The following KDM4B variants were observed in gnomAD, a reference collection of about 807,000 sequenced individuals.
KDM4B encodes lysine-specific demethylase 4B.
KDM4B carries 32 observed loss-of-function variants against 125.2 expected under a neutral mutation model. That is an observed-to-expected ratio of 0.26 (90% CI 0.19 to 0.34). KDM4B has a LOEUF of 0.34. Ranked by LOEUF, KDM4B falls within the 10% of genes least tolerant of loss-of-function variation. The probability of loss-of-function intolerance (pLI) is 1.00; values close to 1 mark genes in which losing one functional copy is unlikely to be tolerated. For missense variants in KDM4B, 1,190 were observed against 1,577.7 expected (o/e 0.75, Z 4.16); for synonymous variants, 721 against 677.9 (o/e 1.06, Z -0.99).
chr19:4,984,873 C>T (rs955455270), intron 1 of KDM4B, among the ~76,000 whole-genome samples: 21 of 152,238 alleles, frequency 1.4e-4, no homozygotes, highest in African/African-American at 4.3e-4. Flanking sequence ...GCACCTGCTC[C>T]GTGAAACCCG....
intron 10 of KDM4B, 125 bp from the exon 11 acceptor site, chr19:5,119,528 G>T: frequency 2.1e-6 from 2 of 945,782 alleles, no homozygotes; most frequent in Non-Finnish European, 1.7e-6. Flanking sequence ...CAGCCAGGAG[G>T]CCCCCTGCTC....
chr19:5,057,594 A>C (rs368609432), intron 6 of KDM4B, among the ~76,000 whole-genome samples: 16 of 152,330 alleles, frequency 1.1e-4, no homozygotes, highest in African/African-American at 3.4e-4. Flanking sequence ...TTCCTCATGC[A>C]GCAGCTTTGC....
At chr19:4,996,130 C>T (rs1488428163) in intron 1 of KDM4B, among the ~76,000 whole-genome samples, 1 of 152,158 alleles carries the variant, frequency 6.6e-6, no homozygotes, top group African/African-American at 2.4e-5. Context: ...GCTGGGATTA[C>T]AGGCATGTGC....
chr19:5,044,360 G>A (rs1262074794), intron 5 of KDM4B, among the ~76,000 whole-genome samples: 1 of 102,044 alleles, frequency 9.8e-6, no homozygotes, highest in Non-Finnish European at 2.0e-5. Context: ...TATCGGAGTG[G>A]GGTGTCCACC....
At chr19:5,097,973 GGAGCTGTCAA>G (rs530702298) in intron 9 of KDM4B, among the ~76,000 whole-genome samples, 118 of 152,328 alleles carry the variant, frequency 7.7e-4, no homozygotes, top group African/African-American at 2.8e-3. Flanking sequence ...ATGTCAGTCG[GGAGCTGTCAA>G]GCTCTGTGGA....
chr19:5,038,315 C>T (rs1230951629), intron 3 of KDM4B, among the ~76,000 whole-genome samples: 3 of 152,196 alleles, frequency 2.0e-5, no homozygotes, highest in Middle Eastern at 3.2e-3. Flanking sequence ...CTGGTCTTGT[C>T]GGCCCATAGG....
Position 5,022,614 on chromosome 19 carries a change from G to A in KDM4B, c.-26+6275G>A, listed in dbSNP as rs184113363. Reference sequence around the variant, plus strand: ...CACTTAGGCCACTGGCCACCCCCACGGATGGTCCCGGGAGTTAGCTCTGTG... The same window carrying A: ...CACTTAGGCCACTGGCCACCCCCACAGATGGTCCCGGGAGTTAGCTCTGTG... On this transcript the variant is annotated intron_variant, in intron 2 of 22. Coordinates refer to ENST00000159111, the MANE Select transcript of KDM4B (RefSeq NM_015015.3). 7.2e-5 allele frequency among the ~76,000 whole-genome samples: 11 copies of A among 152,272 alleles called. No individual in the cohort carries two copies. In the East Asian group the frequency reaches 7.7e-4, roughly 11 times the overall value.
intron 9 of KDM4B, among the ~76,000 whole-genome samples, chr19:5,087,301 C>T (rs551791245): frequency 5.3e-5 from 8 of 152,372 alleles, no homozygotes; most frequent in South Asian, 2.1e-4. Context: ...CATTGCCCCT[C>T]GGGGCAGGAG....
intron 2 of KDM4B, among the ~76,000 whole-genome samples, chr19:5,026,717 G>A (rs1423624533): frequency 6.6e-6 from 1 of 152,148 alleles, no homozygotes; most frequent in East Asian, 1.9e-4. Flanking sequence ...GCACAGAGTG[G>A]GCACAAGGCA....
intron 9 of KDM4B, among the ~76,000 whole-genome samples, chr19:5,084,255 T>A (rs1021339367): frequency 6.8e-6 from 1 of 147,632 alleles, no homozygotes; most frequent in Admixed American, 6.9e-5. Context: ...CAAAAAAAAA[T>A]ACGTATTTAT....
At position 5,143,666 on chromosome 19, in the gene KDM4B, G is replaced by A. The variant is rs537756082; in HGVS notation, c.2551-301G>A. 1.2e-4 allele frequency among the ~76,000 whole-genome samples: 18 copies of A among 152,254 alleles called. No homozygotes were observed. In the South Asian group the frequency reaches 2.1e-3, roughly 18 times the overall value. ...TGTCTGTCCCAGCAGTCAGTGACAC[G>A]CAGGGGGACGGGAGAGGACTCCCCG... On this transcript the variant is annotated intron_variant, in intron 18 of 22. Transcript: ENST00000159111.
At chr19:5,143,836 C>A (rs1343525727) in intron 18 of KDM4B, 131 bp from the exon 19 acceptor site, 4 of 730,236 alleles carry the variant, frequency 5.5e-6, no homozygotes, top group Non-Finnish European at 8.9e-6. Flanking sequence ...GGGGAACCCT[C>A]ACTGGGCAGA....
At chr19:5,026,129 C>T (rs2036270559) in intron 2 of KDM4B, among the ~76,000 whole-genome samples, 2 of 151,872 alleles carry the variant, frequency 1.3e-5, no homozygotes, top group Admixed American at 1.3e-4. Flanking sequence ...AACCCAGGGA[C>T]AGGGCGTGGT....
In KDM4B at chr19:5,041,228, A is replaced by G; in HGVS notation, c.409A>G (p.Ile137Val). The part of the protein sequence containing the change: ...TFVSPIYGAD[I>V]SGSLYDDDVA... ...TGTCTCCCCGATCTACGGGGCTGAC[A>G]TCAGCGGCTCTTTGTATGATGACGT... Residue 137 changes from isoleucine (I) to valine (V), a missense_variant, in exon 5 of 23, where the codon ATC (isoleucine) becomes GTC (valine). Ile to Val is a conservative substitution (Grantham distance 29). This residue lies in a region of KDM4B where 139 missense variants were observed against 248.3 expected (regional missense o/e 0.56). Coordinates refer to ENST00000159111, the MANE Select transcript of KDM4B (RefSeq NM_015015.3). 6.2e-7 allele frequency: 1 copy of G among 1,612,880 alleles called. No homozygotes were observed. Among genetic ancestry groups the G allele is most frequent in the Non-Finnish European group, 8.5e-7 (1 of 1,179,090 alleles).
At chr19:4,970,724 T>G (rs1234645948) in intron 1 of KDM4B, among the ~76,000 whole-genome samples, 1 of 100,402 alleles carries the variant, frequency 1.0e-5, no homozygotes, top group Non-Finnish European at 2.5e-5. Flanking sequence ...GGGGTCAGCC[T>G]TCTCCTGCAG....
chr19:5,071,665 C>G lies in KDM4B; in HGVS notation c.676+606C>G, dbSNP rs535208085. The stretch of plus-strand genomic sequence containing the variant: ...CATGTGCCTGAGGGAGTGCCAGATC[C>G]TCAGGTTGTGGGATACTTGGAAACA... On this transcript the variant is annotated intron_variant, in intron 7 of 22. Coordinates refer to ENST00000159111, the MANE Select transcript of KDM4B (RefSeq NM_015015.3). Among the ~76,000 whole-genome samples the G allele has an allele frequency of 2.0e-5, 3 of 152,312 alleles. No homozygotes were observed. In the South Asian group the frequency reaches 6.2e-4, roughly 32 times the overall value.
intron 7 of KDM4B, 173 bp from the exon 8 acceptor site, chr19:5,077,194 C>T (rs776458834): frequency 1.9e-4 from 124 of 642,744 alleles, no homozygotes; most frequent in Admixed American, 8.4e-4. Flanking sequence ...TCCTTCCCCC[C>T]GACCTGCAGG....
intron 2 of KDM4B, among the ~76,000 whole-genome samples, chr19:5,020,672 C>G (rs878866575): frequency 2.0e-5 from 3 of 152,218 alleles, no homozygotes; most frequent in Admixed American, 2.0e-4. Flanking sequence ...TGCCTGCTTC[C>G]CGTGCCTCGG....
In KDM4B at chr19:5,115,984, A is replaced by G. The variant is rs541811660; in HGVS notation, c.1116-3669A>G. On this transcript the variant is annotated intron_variant, in intron 10 of 22. Coordinates refer to ENST00000159111, the MANE Select transcript of KDM4B (RefSeq NM_015015.3). The surrounding 1 kb of genome is among the most constrained non-coding windows in gnomAD (Gnocchi z 4.2). The stretch of plus-strand genomic sequence containing the variant: ...TTTGCATTTCCAGGTTAAAAAGTCC[A>G]CCAGAAAGTCCGCCCAAGAATGGAA... 1.6e-4 allele frequency among the ~76,000 whole-genome samples: 24 copies of G among 152,298 alleles called. No homozygotes were observed. Among genetic ancestry groups the G allele is most frequent in the African/African-American group, 5.5e-4 (23 of 41,576 alleles).
Sources: gnomAD v4.1 joint callset for allele counts (sites outside exome capture counted in the v4.1 genomes callset) on GRCh38, gnomAD v4.1.1 for gene constraint, gnomAD v4.1.1 regional missense constraint, Gnocchi (gnomAD v3.1) non-coding constraint, MANE v1.5 for transcripts, NCBI Gene and HGNC (gene_info 2026-07-23, HGNC 2026-07-21) for gene names.